ANK2: variants seen among roughly 807,000 people sequenced by gnomAD.
ANK2 encodes ankyrin-2.
A neutral mutation model predicts 360.5 loss-of-function variants in ANK2; 83 were observed. That is an observed-to-expected ratio of 0.23 (90% CI 0.19 to 0.28). ANK2 has a LOEUF of 0.28. Among genes scored for constraint, ANK2 ranks in the 10% least tolerant of loss-of-function variants. The probability of loss-of-function intolerance (pLI) is 1.00; values close to 1 mark genes in which losing one functional copy is unlikely to be tolerated. For missense variants in ANK2, 4,201 were observed against 4,795.7 expected (o/e 0.88, Z 3.66); for synonymous variants, 1,740 against 1,759.5 (o/e 0.99, Z 0.28).
At chr4:112,948,917 C>A (rs894343920) in intron 2 of ANK2, among the ~76,000 whole-genome samples, 9 of 152,128 alleles carry the variant, frequency 5.9e-5, no homozygotes, top group African/African-American at 9.7e-5. Context: ...TGGTGCTTTC[C>A]TGGCTATCAA....
chr4:112,993,711 CA>C (rs1390334974), intron 2 of ANK2, among the ~76,000 whole-genome samples: 5 of 52,342 alleles, frequency 9.6e-5, no homozygotes, highest in South Asian at 1.6e-3. Context: ...TTGGCAACTG[CA>C]TTTTTTTTTT....
intron 1 of ANK2, among the ~76,000 whole-genome samples, chr4:113,102,384 T>C (rs1020212590): frequency 6.6e-6 from 1 of 151,898 alleles, no homozygotes; most frequent in Non-Finnish European, 1.5e-5. Context: ...GACATCAAAG[T>C]GGATATGTCA....
chr4:113,285,913 G>A (rs567417329), intron 18 of ANK2, among the ~76,000 whole-genome samples: 1 of 152,284 alleles, frequency 6.6e-6, no homozygotes, highest in South Asian at 2.1e-4. Context: ...AACGGCTATG[G>A]GAGTTATGAG....
intron 1 of ANK2, among the ~76,000 whole-genome samples, chr4:113,084,811 T>C (rs2083866698): frequency 6.6e-6 from 1 of 152,208 alleles, no homozygotes; most frequent in South Asian, 2.1e-4. Context: ...ATTTCTGTAA[T>C]TAAGAATAAC....
At chr4:113,231,439 A>C (rs1445066875) in intron 4 of ANK2, among the ~76,000 whole-genome samples, 1 of 152,234 alleles carries the variant, frequency 6.6e-6, no homozygotes, top group African/African-American at 2.4e-5. Flanking sequence ...GGTGCTAACT[A>C]AACTCTGTAT....
chr4:113,046,220 C>A (rs1009793392), upstream of ANK2, among the ~76,000 whole-genome samples: 1 of 152,100 alleles, frequency 6.6e-6, no homozygotes, highest in Non-Finnish European at 1.5e-5. Flanking sequence ...GTAATTGATA[C>A]AATACTACCG....
chr4:112,810,149 ATATATATATATT>A, the ANK2 span, among the ~76,000 whole-genome samples: 2 of 30,342 alleles, frequency 6.6e-5, no homozygotes, highest in African/African-American at 1.5e-4. Flanking sequence ...ATATATATAT[ATATATATATATT>A]TTTTTTTTTT....
intron 13 of ANK2, among the ~76,000 whole-genome samples, chr4:113,262,096 T>C (rs977528771): frequency 2.6e-5 from 4 of 152,164 alleles, no homozygotes; most frequent in Admixed American, 1.3e-4. Context: ...TGTCATTACA[T>C]AGGAATTCCT....
At chr4:113,141,444 G>T (rs188975666) in intron 1 of ANK2, 2 of 152,232 alleles carry the variant, frequency 1.3e-5, no homozygotes, top group East Asian at 3.9e-4. Context: ...TACATATTCT[G>T]TGTCATAGAA....
At position 112,944,658 on chromosome 4, in the gene ANK2, T is replaced by C. The variant is rs574429538; in HGVS notation, c.21+40144T>C. On this transcript the variant is annotated intron_variant, in intron 2 of 30. Coordinates refer to the ANK2 transcript ENST00000503271. ...GAGCAGGCTAGTTGTATGCACATGA[T>C]AATTGGTATGTGATTCCAGGGTTAA... 3.9e-5 allele frequency among the ~76,000 whole-genome samples: 6 copies of C among 152,236 alleles called. No homozygotes were observed. The East Asian group carries it at 1.2e-3, about 29-fold the overall frequency.
chr4:113,099,297 T>G (rs1382167267), intron 1 of ANK2, among the ~76,000 whole-genome samples: 1 of 151,916 alleles, frequency 6.6e-6, no homozygotes, highest in Non-Finnish European at 1.5e-5. Context: ...GAACTAATAT[T>G]GATGATAGCA....
intron 34 of ANK2, among the ~76,000 whole-genome samples, chr4:113,343,603 A>G (rs976142241): frequency 1.7e-4 from 26 of 152,230 alleles, no homozygotes; most frequent in African/African-American, 5.8e-4. Flanking sequence ...TAGACTTGAT[A>G]TATTTTCATA....
chr4:112,924,282 T>C (rs978781068), intron 2 of ANK2, among the ~76,000 whole-genome samples: 43 of 151,270 alleles, frequency 2.8e-4, no homozygotes, highest in African/African-American at 1.0e-3. Context: ...GGCAGAGAAT[T>C]GCTTGAACCC....
At chr4:112,962,185 C>G (rs1438252223) in intron 2 of ANK2, among the ~76,000 whole-genome samples, 2 of 152,064 alleles carry the variant, frequency 1.3e-5, no homozygotes. Flanking sequence ...ATTTTTCAAC[C>G]CATACTTCCC....
At chr4:113,095,094 T>C (rs891559379) in intron 1 of ANK2, among the ~76,000 whole-genome samples, 7 of 152,144 alleles carry the variant, frequency 4.6e-5, no homozygotes, top group Middle Eastern at 3.2e-3. Flanking sequence ...GAACATTAGA[T>C]CTTCAAAAAT....
chr4:112,833,777 A>G (rs2060375666), intron 1 of ANK2, among the ~76,000 whole-genome samples: 1 of 152,220 alleles, frequency 6.6e-6, no homozygotes, highest in South Asian at 2.1e-4. Flanking sequence ...TGCTGGGATT[A>G]CAGGCGTGAG....
chr4:113,326,620 AT>A (rs1188261272), intron 26 of ANK2, among the ~76,000 whole-genome samples: 1 of 151,914 alleles, frequency 6.6e-6, no homozygotes, highest in Non-Finnish European at 1.5e-5. Context: ...TCTAAAGAAA[AT>A]TTCCTCACTA....
the ANK2 span, among the ~76,000 whole-genome samples, chr4:112,708,935 G>C: frequency 6.6e-6 from 1 of 152,066 alleles, no homozygotes; most frequent in Non-Finnish European, 1.5e-5. Flanking sequence ...TTTGAACAAA[G>C]ATTTTTTTAA....
intron 11 of ANK2, among the ~76,000 whole-genome samples, chr4:113,256,716 T>C (rs1444332800): frequency 1.3e-5 from 2 of 152,214 alleles, no homozygotes; most frequent in Admixed American, 1.3e-4. Flanking sequence ...TCTGTTAAAA[T>C]TGGTCTTCAA....
Sources: allele counts gnomAD v4.1 joint callset (sites outside exome capture counted in the v4.1 genomes callset), GRCh38; gene constraint gnomAD v4.1.1; transcripts MANE v1.5; gene names NCBI Gene and HGNC (gene_info 2026-07-23, HGNC 2026-07-21).